ZNF251: variants seen among roughly 807,000 people sequenced by gnomAD.
The protein encoded by ZNF251 is zinc finger protein 251.
ZNF251 carries 14 observed loss-of-function variants against 13.5 expected under a neutral mutation model. That is an observed-to-expected ratio of 1.04 (90% CI 0.69 to 1.63). The LOEUF is 1.63. Ranked by LOEUF, ZNF251 falls within the 40% of genes most tolerant of loss-of-function variation. The pLI, the probability that ZNF251 is intolerant of heterozygous loss-of-function variation, is 0.00. For missense variants in ZNF251, 764 were observed against 834.9 expected, an observed-to-expected ratio of 0.92 and a Z score of 1.05; for synonymous variants, 287 against 295.2, an observed-to-expected ratio of 0.97 and a Z score of 0.28.
chr8:144,732,556 T>G (rs572403199), intron 4 of ZNF251, among the ~76,000 whole-genome samples: 5 of 152,218 alleles, frequency 3.3e-5, no homozygotes, highest in Admixed American at 6.5e-5. Flanking sequence ...CTCACGCCTG[T>G]AATCCCAGCA....
Position 144,722,571 on chromosome 8 carries a change from G to A in ZNF251, c.1089C>T (p.Ser363=). 1 of 1,614,052 alleles carries A rather than the reference G, an allele frequency of 6.2e-7. No individual in the cohort carries two copies. The highest frequency in any genetic ancestry group is 8.5e-7 in the Non-Finnish European group (1 of 1,180,026). ...HCGKAFSRSS[S]LIQHERIHTG... ...TGTGAATTCTCTCATGCTGAATAAG[G>A]CTGGAGCTTCGACTGAAGGCCTTCC... The change falls in exon 5 of 5, where the codon AGC becomes AGT. Residue 363 remains serine, a synonymous_variant. Transcript: ENST00000292562. This position sits in a 1 kb window ranked among gnomAD's most constrained non-coding sequence, Gnocchi z 4.8.
At chr8:144,749,124 T>C (rs1301513323) in intron 4 of ZNF251, among the ~76,000 whole-genome samples, 1 of 152,064 alleles carries the variant, frequency 6.6e-6, no homozygotes, top group East Asian at 1.9e-4. Flanking sequence ...ATGATCAAGC[T>C]ACTGCACTCT....
intron 4 of ZNF251, among the ~76,000 whole-genome samples, chr8:144,732,628 C>A (rs184498913): frequency 3.8e-4 from 58 of 151,478 alleles, no homozygotes; most frequent in Admixed American, 7.9e-4. Flanking sequence ...CTGGCCAACA[C>A]GGTGAAACCC....
In ZNF251 at chr8:144,721,810, G is replaced by A. The variant is rs1823378334; in HGVS notation, c.1850C>T (p.Thr617Ile). 6.7e-7 allele frequency: 1 copy of A among 1,494,336 alleles called. No individual in the cohort carries two copies. 92.6% of individuals were successfully genotyped at this position (1,494,336 alleles called of 1,614,324 possible). Residue 617 changes from threonine to isoleucine, a missense_variant, in exon 5 of 5, where the codon ACT (threonine) becomes ATT (isoleucine). Thr to Ile is a moderately conservative substitution (Grantham distance 89, BLOSUM62 -1). Coordinates refer to ENST00000292562, the MANE Select transcript of ZNF251 (RefSeq NM_138367.2). Reference sequence around the variant, plus strand: ...ACTGCAATGACATGGTTTCTGACCAGTGTGAGTTACCTGATGTTGAATAAG... The same window carrying A: ...ACTGCAATGACATGGTTTCTGACCAATGTGAGTTACCTGATGTTGAATAAG... ...STLIQHQVTH[T>I]GQKPCHCSVY...
At position 144,754,304 on chromosome 8, in the gene ZNF251, G is replaced by C; in HGVS notation, c.51C>G (p.Phe17Leu). ...GAGAGAAGTACACGGCCACATCCTG[G>C]AAGGTCAGCGGCATCTCCTGCAACA... The part of the protein sequence containing the change: ...LPGHQEMPLT[F>L]QDVAVYFSQA... The change falls in exon 3 of 5, where the codon TTC (phenylalanine) becomes TTG (leucine). Residue 17 changes from phenylalanine (F) to leucine (L), a missense_variant. By Grantham distance (22) the Phe-to-Leu change is conservative (BLOSUM62 0). Coordinates refer to ENST00000292562, the MANE Select transcript of ZNF251 (RefSeq NM_138367.2). 1 of 1,610,442 alleles carries C rather than the reference G, an allele frequency of 6.2e-7. No homozygotes were observed. The highest frequency in any genetic ancestry group is 1.1e-5 in the South Asian group (1 of 90,624).
At position 144,722,303 on chromosome 8, in the gene ZNF251, T is replaced by C; in HGVS notation, c.1357A>G (p.Arg453Gly). The C allele has an allele frequency of 1.2e-6, 2 of 1,613,964 alleles. No individual in the cohort carries two copies. The highest frequency in any genetic ancestry group is 1.7e-6 in the Non-Finnish European group (2 of 1,179,854). ...TAGGGCTTCTCCCCAGTGTGAACTC[T>C]TCGATGCTGAACAAGAGTGGAACTC... ...RRSSTLVQHRRVHTGEKPYQC... is the reference protein window; with the variant it reads ...RRSSTLVQHRGVHTGEKPYQC... The change falls in exon 5 of 5, where the codon AGA becomes GGA. Residue 453 changes from arginine (R) to glycine (G), a missense_variant. By Grantham distance (125) the Arg-to-Gly change is moderately radical (BLOSUM62 -2). Transcript: ENST00000292562. The surrounding 1 kb of genome is among the most constrained non-coding windows in gnomAD (Gnocchi z 4.8).
rs776679682 is a variant in ZNF251, at chr8:144,722,470, C to T, written c.1190G>A (p.Arg397Gln). 8.1e-6 allele frequency: 13 copies of T among 1,613,406 alleles called. No individual in the cohort carries two copies. The highest frequency in any genetic ancestry group is 3.3e-5 in the South Asian group (3 of 91,056). ...SQSSSLFLHH[R>Q]VHTGEKPYVC... ...ATAGGGTTTCTCTCCAGTATGAACC[C>T]GATGATGGAGGAAAAGGCTTGAGCT... Residue 397 changes from arginine (R) to glutamine (Q), a missense_variant, in exon 5 of 5, where the codon CGG becomes CAG. By Grantham distance (43) the Arg-to-Gln change is conservative. Coordinates refer to ENST00000292562, the MANE Select transcript of ZNF251 (RefSeq NM_138367.2). The surrounding 1 kb of genome is among the most constrained non-coding windows in gnomAD (Gnocchi z 4.8).
chr8:144,748,240 ATTTTTGTG>A (rs1185277092), intron 4 of ZNF251, among the ~76,000 whole-genome samples: 1 of 151,334 alleles, frequency 6.6e-6, no homozygotes, highest in African/African-American at 2.4e-5. Context: ...TGCCTGGCTA[ATTTTTGTG>A]TTTTTAGTAG....
At chr8:144,726,750 G>A (rs111623922) in intron 4 of ZNF251, among the ~76,000 whole-genome samples, 1 of 151,932 alleles carries the variant, frequency 6.6e-6, no homozygotes, top group African/African-American at 2.4e-5. Flanking sequence ...GGTGCCTGTA[G>A]TCCCAGCTAC....
At chr8:144,748,710 CA>C (rs1297355937) in intron 4 of ZNF251, among the ~76,000 whole-genome samples, 1 of 152,032 alleles carries the variant, frequency 6.6e-6, no homozygotes, top group Non-Finnish European at 1.5e-5. Context: ...TATAGGTACA[CA>C]ACACCACACC....
chr8:144,725,862 T>C (rs1002630480), intron 4 of ZNF251, among the ~76,000 whole-genome samples: 4 of 152,140 alleles, frequency 2.6e-5, no homozygotes, highest in Non-Finnish European at 4.4e-5. Flanking sequence ...GTCATATATG[T>C]AACAAGGATA....
Position 144,755,488 on chromosome 8 carries a change from G to C in ZNF251, c.-159C>G, listed in dbSNP as rs1481527901. Reference sequence around the variant, plus strand: ...CGAGCCCGGAACGGACCCTCCCACAGAACCGGGTCCAGAGCCGGGGAGGGG... The same window carrying C: ...CGAGCCCGGAACGGACCCTCCCACACAACCGGGTCCAGAGCCGGGGAGGGG... On this transcript the variant is annotated 5_prime_UTR_variant, in exon 1 of 5. Transcript: ENST00000292562. 1 of 1,287,190 alleles carries C rather than the reference G, an allele frequency of 7.8e-7. No homozygotes were observed. The highest frequency in any genetic ancestry group is 1.2e-5 in the South Asian group (1 of 80,880). The allele number at this position is 1,287,190 out of a possible 1,614,324, so 79.7% of individuals were successfully genotyped here.
chr8:144,753,468 GTATATA>G (rs1282650544), intron 4 of ZNF251: 1 of 525,630 alleles, frequency 1.9e-6, no homozygotes, highest in Non-Finnish European at 3.4e-6. Context: ...ATCAGAAGTA[GTATATA>G]TATATTTTTA....
rs537564749 is a variant in ZNF251, at chr8:144,734,001, C to T, written c.278-10619G>A. On this transcript the variant is annotated intron_variant, in intron 4 of 4. Coordinates refer to ENST00000292562, the MANE Select transcript of ZNF251 (RefSeq NM_138367.2). The surrounding 1 kb of genome is among the most constrained non-coding windows in gnomAD (Gnocchi z 4.4). The stretch of plus-strand genomic sequence containing the variant: ...GATGCCGCTAGGTCTGTTCCGCAGC[C>T]GGCAGAATCTTAGGCTGCACGTGCC... Among the ~76,000 whole-genome samples, 11 of 152,312 alleles carry T rather than the reference C, an allele frequency of 7.2e-5. No homozygotes were observed. The East Asian group carries it at 9.7e-4, about 13-fold the overall frequency.
At chr8:144,733,972 C>T (rs1554621302) in intron 4 of ZNF251, among the ~76,000 whole-genome samples, 1 of 152,258 alleles carries the variant, frequency 6.6e-6, no homozygotes, top group Non-Finnish European at 1.5e-5. Flanking sequence ...TCTGGGAAGA[C>T]AGAGATGCCG....
intron 4 of ZNF251, among the ~76,000 whole-genome samples, chr8:144,735,341 C>T (rs1823846835): frequency 6.8e-6 from 1 of 146,408 alleles, no homozygotes; most frequent in Non-Finnish European, 1.5e-5. Flanking sequence ...GAGCTGAGAT[C>T]ACCCCATTGC....
intron 1 of ZNF251, chr8:144,755,087 C>A: frequency 7.9e-7 from 1 of 1,272,130 alleles, no homozygotes; most frequent in Non-Finnish European, 1.0e-6. Flanking sequence ...GGCCGTTCTA[C>A]CTGCCTGGCC....
At chr8:144,732,605 G>A (rs769516880) in intron 4 of ZNF251, among the ~76,000 whole-genome samples, 8 of 151,826 alleles carry the variant, frequency 5.3e-5, no homozygotes, top group South Asian at 2.1e-4. Flanking sequence ...GAGGTCAGGA[G>A]ATGGAGACCA....
intron 4 of ZNF251, chr8:144,730,149 G>A (rs965805506): frequency 1.0e-6 from 1 of 981,070 alleles, no homozygotes; most frequent in East Asian, 1.1e-4. Context: ...ACCAAACAGG[G>A]AAGTGGAGAG....
Sources: gnomAD v4.1 joint callset for allele counts (sites outside exome capture counted in the v4.1 genomes callset) on GRCh38, gnomAD v4.1.1 for gene constraint, Gnocchi (gnomAD v3.1) non-coding constraint, MANE v1.5 for transcripts, NCBI Gene and HGNC (gene_info 2026-07-23, HGNC 2026-07-21) for gene names.